ADSL: variants seen among roughly 807,000 people sequenced by gnomAD.
ADSL encodes adenylosuccinate lyase.
Under a neutral mutation model 62.1 loss-of-function variants are expected in ADSL, and 44 were observed. The ratio of observed to expected loss-of-function variants is 0.71; its 90% CI spans 0.56 to 0.91. The LOEUF is 0.91. Ranked by LOEUF, ADSL falls within the 40% of genes least tolerant of loss-of-function variation. ADSL has a pLI of 0.00. For synonymous variants in ADSL, 198 were observed against 220.5 expected, an observed-to-expected ratio of 0.90 and a Z score of 0.90; for missense variants, 531 against 627.4, an observed-to-expected ratio of 0.85 and a Z score of 1.64.
In ADSL at chr22:40,346,624, C is replaced by T. The variant is rs2044149135; in HGVS notation, c.66C>T (p.Ala22=). 2 of 1,610,994 alleles carry T rather than the reference C, an allele frequency of 1.2e-6. No individual in the cohort carries two copies. Among genetic ancestry groups the T allele is most frequent in the South Asian group, 1.1e-5 (1 of 90,268 alleles). The change falls in exon 1 of 13, where the codon GCC becomes GCT. Residue 22 remains alanine, a synonymous_variant. Coordinates refer to ENST00000623063, the MANE Select transcript of ADSL (RefSeq NM_000026.4). ...SYRSPLASRY[A]SPEMCFVFSD... ...GCTCACCTCTTGCCTCCCGCTATGCCAGCCCGGAGATGTGCTTCGTGTTTA... is the reference window on the plus strand; with the variant it reads ...GCTCACCTCTTGCCTCCCGCTATGCTAGCCCGGAGATGTGCTTCGTGTTTA...
At chr22:40,370,743 AGGCGGGGGCTGC>A (rs2045242657), downstream of ADSL, 1 of 152,484 alleles carries the variant, frequency 6.6e-6, no homozygotes, top group Non-Finnish European at 1.5e-5. Context: ...AGTTCCCCTC[AGGCGGGGGCTGC>A]GGGGCGGCTG....
Position 40,362,958 on chromosome 22 carries a change from C to T in ADSL, c.1011-23C>T, listed in dbSNP as rs778143633. On this transcript the variant is annotated intron_variant, in intron 9 of 12. Coordinates refer to ENST00000623063, the MANE Select transcript of ADSL (RefSeq NM_000026.4). The stretch of plus-strand genomic sequence containing the variant: ...CTGAAATTATTTGTTTAAAGACATA[C>T]TGAATGGCTATTTGTTTTCTAGACG... The T allele has an allele frequency of 8.8e-6, 14 of 1,595,512 alleles. No individual in the cohort carries two copies. In the South Asian group the frequency reaches 1.5e-4, roughly 18 times the overall value.
intron 1 of ADSL, among the ~76,000 whole-genome samples, chr22:40,347,555 A>G (rs2146616233): frequency 6.6e-6 from 1 of 152,270 alleles, no homozygotes; most frequent in South Asian, 2.1e-4. Context: ...GGCACAGTAA[A>G]CATGGAAACA....
chr22:40,375,865 C>T (rs899202932), intron 2 of ADSL, among the ~76,000 whole-genome samples: 8 of 151,950 alleles, frequency 5.3e-5, no homozygotes, highest in Non-Finnish European at 1.2e-4. Context: ...TGGTGAGACC[C>T]TGCCTCTACA....
intron 2 of ADSL, 67 bp downstream of exon 2, chr22:40,350,102 G>A (rs1391114624): frequency 4.9e-6 from 7 of 1,441,010 alleles, no homozygotes; most frequent in Non-Finnish European, 6.8e-6. Flanking sequence ...TTTATTTGAT[G>A]TTGTCCAGTT....
chr22:40,363,753 C>T (rs532732867), intron 10 of ADSL, among the ~76,000 whole-genome samples: 1 of 148,948 alleles, frequency 6.7e-6, no homozygotes, highest in Non-Finnish European at 1.5e-5. Context: ...AAAAAAAAAA[C>T]CTCTTCCTAT....
chr22:40,364,817 C>G, intron 11 of ADSL, 63 bp from the exon 12 acceptor site: 1 of 1,562,436 alleles, frequency 6.4e-7, no homozygotes, highest in Non-Finnish European at 8.8e-7. Context: ...TATCTGATGA[C>G]TTTTTAAAAG....
chr22:40,374,296 T>C (rs1056757867), downstream of ADSL, among the ~76,000 whole-genome samples: 7 of 152,176 alleles, frequency 4.6e-5, no homozygotes, highest in Non-Finnish European at 1.5e-5. Flanking sequence ...AGGAACACTT[T>C]ATTGTGAAGA....
At position 40,363,030 on chromosome 22, in the gene ADSL, A is replaced by G. The variant is rs75953451; in HGVS notation, c.1060A>G (p.Thr354Ala). Residue 354 changes from threonine to alanine, a missense_variant, in exon 10 of 13, where the codon ACG becomes GCG. Thr to Ala is a moderately conservative substitution (Grantham distance 58). Around this residue, in one of 2 missense-constraint regions of ADSL, gnomAD observed 471 missense variants for 592.9 expected, o/e 0.79. Transcript: ENST00000623063. The stretch of plus-strand genomic sequence containing the variant: ...TCTTACCGCAGATACTATATTGAAT[A>G]CGCTGCAGAACATTTCTGAAGGATT... ...AFLTADTILN[T>A]LQNISEGLVV... 223 of 1,614,148 alleles carry G rather than the reference A, an allele frequency of 1.4e-4. No homozygotes were observed. The highest frequency in any genetic ancestry group is 1.8e-4 in the Non-Finnish European group (217 of 1,180,030).
chr22:40,362,252 C>T (rs577233848), intron 9 of ADSL, among the ~76,000 whole-genome samples: 4 of 152,282 alleles, frequency 2.6e-5, no homozygotes, highest in East Asian at 1.9e-4. Context: ...CTCGCCTGCT[C>T]GCATTTTGCT....
intron 2 of ADSL, among the ~76,000 whole-genome samples, chr22:40,381,951 C>T (rs149555705): frequency 1.2e-3 from 183 of 152,268 alleles, no homozygotes; most frequent in Middle Eastern, 6.8e-3. Flanking sequence ...CAAAGTCAGA[C>T]GCTGTCTCAA....
intron 10 of ADSL, 132 bp downstream of exon 10, chr22:40,363,203 G>A: frequency 2.5e-6 from 2 of 808,534 alleles, no homozygotes; most frequent in Non-Finnish European, 4.3e-6. Flanking sequence ...TCATCCTTCA[G>A]TTCATAAGCT....
intron 3 of ADSL, chr22:40,353,714 C>G: frequency 3.7e-6 from 1 of 272,140 alleles, no homozygotes; most frequent in Non-Finnish European, 7.0e-6. Context: ...CAAGCTCCAC[C>G]TCCCAGGTTC....
At chr22:40,362,621 A>AAG (rs2044834939) in intron 9 of ADSL, among the ~76,000 whole-genome samples, 2 of 152,206 alleles carry the variant, frequency 1.3e-5, no homozygotes, top group Admixed American at 1.3e-4. Flanking sequence ...AGTGAGTATA[A>AAG]AGAGCTTGGT....
At chr22:40,380,808 G>C (rs2047445460) in intron 2 of ADSL, among the ~76,000 whole-genome samples, 1 of 152,080 alleles carries the variant, frequency 6.6e-6, no homozygotes. Flanking sequence ...GGTGGTGTGT[G>C]CCTGTAGTCC....
chr22:40,356,703 TGTG>T (rs1601574803), intron 4 of ADSL, among the ~76,000 whole-genome samples: 1 of 151,316 alleles, frequency 6.6e-6, no homozygotes, highest in African/African-American at 2.4e-5. Context: ...GTTAGCCAGG[TGTG>T]GTGGCTTGTG....
At chr22:40,353,307 C>T (rs2044420002) in intron 3 of ADSL, 190 bp downstream of exon 3, 1 of 705,998 alleles carries the variant, frequency 1.4e-6, no homozygotes, top group Non-Finnish European at 2.6e-6. Flanking sequence ...CTTCCTCCTT[C>T]TCCTTTCTTC....
At chr22:40,359,349 G>T in intron 6 of ADSL, 43 bp downstream of exon 6, 4 of 1,594,688 alleles carry the variant, frequency 2.5e-6, no homozygotes, top group Non-Finnish European at 3.4e-6. Flanking sequence ...TAAGTTGATG[G>T]AAGTCCTATA....
chr22:40,365,763 C>T (rs2044981095), intron 12 of ADSL, among the ~76,000 whole-genome samples: 1 of 151,810 alleles, frequency 6.6e-6, no homozygotes, highest in Non-Finnish European at 1.5e-5. Flanking sequence ...CTCTGCTACT[C>T]AGGGCTGAGG....
Sources: gnomAD v4.1 joint callset for allele counts (sites outside exome capture counted in the v4.1 genomes callset) on GRCh38, gnomAD v4.1.1 for gene constraint, gnomAD v4.1.1 regional missense constraint, MANE v1.5 for transcripts, NCBI Gene and HGNC (gene_info 2026-07-23, HGNC 2026-07-21) for gene names.